The following ZPBP variants were observed in gnomAD, a reference collection of about 807,000 sequenced individuals.
ZPBP encodes zona pellucida binding protein, also known as zona pellucida-binding protein 1.
A neutral mutation model predicts 44.8 loss-of-function variants in ZPBP; 26 were observed. The ratio of observed to expected loss-of-function variants is 0.58; its 90% CI spans 0.43 to 0.81. The LOEUF is 0.81. Ranked by LOEUF, ZPBP falls within the 30% of genes least tolerant of loss-of-function variation. ZPBP has a pLI of 0.00. For synonymous variants in ZPBP, 174 were observed against 153.2 expected (o/e 1.14, Z -1.00); for missense variants, 409 against 434.0 (o/e 0.94, Z 0.51).
intron 1 of ZPBP, among the ~76,000 whole-genome samples, chr7:49,910,755 C>T (rs1386599001): frequency 6.6e-6 from 1 of 152,174 alleles, no homozygotes; most frequent in African/African-American, 2.4e-5. Flanking sequence ...CAGAGATCCT[C>T]AATTCTCATG....
At chr7:50,078,541 A>T (rs570498976) in intron 3 of ZPBP, among the ~76,000 whole-genome samples, 90 of 150,338 alleles carry the variant, frequency 6.0e-4, no homozygotes, top group African/African-American at 1.9e-3. Flanking sequence ...ACCTAAAATT[A>T]AAAAAAAATA....
intron 1 of ZPBP, chr7:49,920,749 A>T (rs1793982828): frequency 6.6e-6 from 1 of 152,288 alleles, no homozygotes; most frequent in African/African-American, 2.4e-5. Flanking sequence ...ATAATTTTAA[A>T]TACTTATTCC....
At chr7:49,906,066 C>A (rs1239241009) in intron 1 of ZPBP, among the ~76,000 whole-genome samples, 2 of 152,126 alleles carry the variant, frequency 1.3e-5, no homozygotes, top group Admixed American at 6.5e-5. Context: ...CAAGAAATAA[C>A]CATAAAAATG....
At chr7:49,869,474 T>C (rs1051703615) in intron 2 of ZPBP, among the ~76,000 whole-genome samples, 1 of 152,242 alleles carries the variant, frequency 6.6e-6, no homozygotes, top group Admixed American at 6.5e-5. Flanking sequence ...GAAAAAATTA[T>C]CTTGTATATT....
At chr7:49,900,665 A>T (rs775780136) in intron 2 of ZPBP, among the ~76,000 whole-genome samples, 1 of 151,840 alleles carries the variant, frequency 6.6e-6, no homozygotes, top group Non-Finnish European at 1.5e-5. Flanking sequence ...TCAATAATTA[A>T]CATCCTTCCA....
chr7:50,060,574 A>G (rs1253730237), intron 3 of ZPBP, among the ~76,000 whole-genome samples: 1 of 152,202 alleles, frequency 6.6e-6, no homozygotes, highest in Non-Finnish European at 1.5e-5. Context: ...AAATGGATAC[A>G]TTCCGAGAAA....
chr7:50,044,413 CT>C (rs1181602313), intron 4 of ZPBP, among the ~76,000 whole-genome samples: 1 of 152,008 alleles, frequency 6.6e-6, no homozygotes, highest in East Asian at 1.9e-4. Flanking sequence ...AATAGATAGA[CT>C]GCTAGCCAGA....
chr7:50,004,753 A>T (rs1798232262), intron 6 of ZPBP, among the ~76,000 whole-genome samples: 1 of 152,112 alleles, frequency 6.6e-6, no homozygotes, highest in Non-Finnish European at 1.5e-5. Flanking sequence ...GCATCTGTGG[A>T]GGAAAAAGAT....
At chr7:50,011,834 A>G (rs1798598371) in intron 6 of ZPBP, among the ~76,000 whole-genome samples, 1 of 151,964 alleles carries the variant, frequency 6.6e-6, no homozygotes, top group South Asian at 2.1e-4. Flanking sequence ...GGCGGATCAC[A>G]AGGTCAGCAG....
intron 1 of ZPBP, chr7:49,913,893 T>A (rs1319695267): frequency 6.6e-6 from 1 of 152,168 alleles, no homozygotes; most frequent in Non-Finnish European, 1.5e-5. Flanking sequence ...ACTGACTGAG[T>A]CATCAAAACA....
chr7:49,880,794 T>C (rs1199975917), intron 2 of ZPBP, among the ~76,000 whole-genome samples: 1 of 152,030 alleles, frequency 6.6e-6, no homozygotes, highest in Non-Finnish European at 1.5e-5. Flanking sequence ...ATTTGTGGCA[T>C]TGGTATTGAA....
intron 3 of ZPBP, among the ~76,000 whole-genome samples, chr7:50,065,062 C>T (rs781385192): frequency 1.3e-5 from 2 of 152,206 alleles, no homozygotes; most frequent in African/African-American, 4.8e-5. Context: ...TGGCTTCAGC[C>T]GGTCCCTCCG....
At chr7:50,054,071 A>G (rs1334738477) in intron 4 of ZPBP, among the ~76,000 whole-genome samples, 3 of 151,978 alleles carry the variant, frequency 2.0e-5, no homozygotes, top group African/African-American at 7.2e-5. Context: ...TTGTATTTTT[A>G]GTAGAGACGG....
intron 3 of ZPBP, among the ~76,000 whole-genome samples, chr7:50,072,710 C>T (rs1264666584): frequency 1.3e-5 from 2 of 152,244 alleles, no homozygotes; most frequent in Non-Finnish European, 2.9e-5. Flanking sequence ...AGAAAATTTT[C>T]CTGGATCTGG....
At chr7:50,001,141 G>A (rs1249967269) in intron 6 of ZPBP, among the ~76,000 whole-genome samples, 1 of 152,098 alleles carries the variant, frequency 6.6e-6, no homozygotes, top group Non-Finnish European at 1.5e-5. Context: ...TACTGTTTAA[G>A]CCTGCTGGTC....
chr7:49,881,438 G>C (rs963110132), intron 2 of ZPBP, among the ~76,000 whole-genome samples: 3 of 152,156 alleles, frequency 2.0e-5, no homozygotes, highest in African/African-American at 4.8e-5. Context: ...AAAAAATAGA[G>C]AGAGAGCACT....
At chr7:49,989,309 C>T (rs1268529763) in intron 6 of ZPBP, among the ~76,000 whole-genome samples, 1 of 152,120 alleles carries the variant, frequency 6.6e-6, no homozygotes, top group Non-Finnish European at 1.5e-5. Flanking sequence ...TTCTAACAGG[C>T]CCGGGAACCC....
At chr7:50,049,054 C>G (rs909927466) in intron 4 of ZPBP, among the ~76,000 whole-genome samples, 6 of 151,822 alleles carry the variant, frequency 4.0e-5, no homozygotes, top group African/African-American at 1.5e-4. Context: ...CAACTCTATG[C>G]CAACAAATTA....
chr7:49,912,224 AT>A (rs773367359), intron 1 of ZPBP: 34 of 1,610,220 alleles, frequency 2.1e-5, no homozygotes, highest in Non-Finnish European at 1.2e-5. Context: ...TTTCTAGAAC[AT>A]TTTACTGATG....
Sources: gnomAD v4.1 joint callset for allele counts (sites outside exome capture counted in the v4.1 genomes callset) on GRCh38, gnomAD v4.1.1 for gene constraint, MANE v1.5 for transcripts, NCBI Gene and HGNC (gene_info 2026-07-23, HGNC 2026-07-21) for gene names.